The following PLCE1 variants were observed in gnomAD, a reference collection of about 807,000 sequenced individuals.
PLCE1 encodes the protein phospholipase C epsilon 1.
A neutral mutation model predicts 242.8 loss-of-function variants in PLCE1; 119 were observed. The ratio of observed to expected loss-of-function variants is 0.49; its 90% CI spans 0.42 to 0.57. The LOEUF (loss-of-function observed/expected upper bound fraction) is 0.57. PLCE1 is among the 20% of genes least tolerant of loss of function. The probability of loss-of-function intolerance (pLI) is 0.00; values close to 1 mark genes in which losing one functional copy is unlikely to be tolerated. For missense variants in PLCE1, 2,441 were observed against 2,788.8 expected (o/e 0.88, Z 2.81); for synonymous variants, 945 against 1,017.4 (o/e 0.93, Z 1.35).
chr10:94,156,674 C>A (rs2047443249), intron 3 of PLCE1, among the ~76,000 whole-genome samples: 1 of 152,152 alleles, frequency 6.6e-6, no homozygotes, highest in Non-Finnish European at 1.5e-5. Context: ...AGTCAGTCTT[C>A]AGTTCCTTTC....
intron 2 of PLCE1, among the ~76,000 whole-genome samples, chr10:94,131,167 TC>T (rs1321241867): frequency 6.6e-6 from 1 of 152,198 alleles, no homozygotes; most frequent in East Asian, 1.9e-4. Context: ...GCACCTTTAT[TC>T]CCCCATCAGA....
At chr10:94,101,558 AC>A (rs1170271068) in intron 2 of PLCE1, among the ~76,000 whole-genome samples, 2 of 151,826 alleles carry the variant, frequency 1.3e-5, no homozygotes, top group Admixed American at 6.6e-5. Flanking sequence ...AGAGGAGAAA[AC>A]CCCCCTGAGA....
chr10:94,072,374 T>G (rs1490595015), intron 2 of PLCE1, among the ~76,000 whole-genome samples: 1 of 152,082 alleles, frequency 6.6e-6, no homozygotes, highest in African/African-American at 2.4e-5. Flanking sequence ...CCTCCCAGGT[T>G]CACGCCATTC....
intron 3 of PLCE1, 38 bp from the exon 4 acceptor site, chr10:94,171,142 G>A (rs2047961235): frequency 1.3e-6 from 2 of 1,565,554 alleles, no homozygotes; most frequent in Non-Finnish European, 1.8e-6. Context: ...GGGGACACCA[G>A]ATTTGATGTA....
In PLCE1 at chr10:94,030,857, A is replaced by G. The variant is rs2061543616; in HGVS notation, c.-190A>G. ...GATCTAGAAAAAATATATATTCATG[A>G]TAGGAAGTTATAACTAAGAAAATTT... On this transcript the variant is annotated 5_prime_UTR_variant, in exon 2 of 33. Transcript: ENST00000371380. 1 of 617,648 alleles carries G rather than the reference A, an allele frequency of 1.6e-6. No homozygotes were observed. Among genetic ancestry groups the G allele is most frequent in the Non-Finnish European group, 2.8e-6 (1 of 351,188 alleles). The allele number at this position is 617,648 out of a possible 1,614,324, so 38.3% of individuals were successfully genotyped here.
intron 2 of PLCE1, among the ~76,000 whole-genome samples, chr10:94,048,618 T>C (rs993239444): frequency 1.7e-4 from 25 of 150,308 alleles, no homozygotes; most frequent in Admixed American, 1.5e-3. Context: ...TTGCTTGTGC[T>C]TCTTTATTGA....
intron 2 of PLCE1, among the ~76,000 whole-genome samples, chr10:94,069,164 A>G (rs1161730100): frequency 2.0e-5 from 3 of 152,248 alleles, no homozygotes; most frequent in Non-Finnish European, 2.9e-5. Flanking sequence ...ACTACAATAC[A>G]TCTTTTTGCC....
At chr10:94,276,357 C>G (rs1173717878) in intron 19 of PLCE1, among the ~76,000 whole-genome samples, 1 of 152,190 alleles carries the variant, frequency 6.6e-6, no homozygotes, top group South Asian at 2.1e-4. Flanking sequence ...TAGTCTCAGA[C>G]TTGGGTCTTT....
chr10:94,274,345 A>C (rs1454311510), intron 19 of PLCE1, among the ~76,000 whole-genome samples: 1 of 152,210 alleles, frequency 6.6e-6, no homozygotes, highest in East Asian at 1.9e-4. Flanking sequence ...TGTTGGTCCT[A>C]AAACATCACT....
intron 19 of PLCE1, among the ~76,000 whole-genome samples, chr10:94,275,374 A>G (rs768909455): frequency 1.3e-5 from 2 of 152,224 alleles, no homozygotes; most frequent in Non-Finnish European, 2.9e-5. Context: ...AATATCGTAG[A>G]TATTCTTAAA....
chr10:94,221,255 T>TCTGATGTCAGTGCTC (rs1359629372), intron 4 of PLCE1, among the ~76,000 whole-genome samples: 1 of 152,206 alleles, frequency 6.6e-6, no homozygotes, highest in East Asian at 1.9e-4. Flanking sequence ...CCCCAGTGCT[T>TCTGATGTCAGTGCTC]CTGATGTCAG....
At chr10:94,259,189 C>T (rs1324934581) in intron 13 of PLCE1, 39 bp downstream of exon 13, 1 of 1,606,648 alleles carries the variant, frequency 6.2e-7, no homozygotes, top group Admixed American at 1.7e-5. Context: ...TGGGATCAAT[C>T]TGTCTAAAAC....
chr10:94,081,121 G>A (rs1425429730), intron 2 of PLCE1, among the ~76,000 whole-genome samples: 1 of 152,056 alleles, frequency 6.6e-6, no homozygotes, highest in Non-Finnish European at 1.5e-5. Flanking sequence ...CATTTTTAAT[G>A]TTTATTGGCT....
rs945551499 is a variant in PLCE1, at chr10:94,306,853, A to G, written c.5884+165A>G. 6.6e-6 allele frequency among the ~76,000 whole-genome samples: 1 copy of G among 152,246 alleles called. No individual in the cohort carries two copies. On this transcript the variant is annotated intron_variant, in intron 26 of 32. Coordinates refer to ENST00000371380, the MANE Select transcript of PLCE1 (RefSeq NM_016341.4). This position sits in a 1 kb window ranked among gnomAD's most constrained non-coding sequence, Gnocchi z 5.7. ...GGAGCACTTTTGAAGCACATCTCAA[A>G]AGAAGTTTTTCTTTTACATTTTTTA...
At chr10:94,243,205 C>T (rs772289935) in intron 7 of PLCE1, among the ~76,000 whole-genome samples, 32 of 152,130 alleles carry the variant, frequency 2.1e-4, no homozygotes, top group East Asian at 1.9e-4. Context: ...AAGAATGATA[C>T]TTTACCTCTA....
chr10:94,265,952 C>T lies in PLCE1; in HGVS notation c.4275C>T (p.Tyr1425=). The change falls in exon 16 of 33, where the codon TAC becomes TAT. Residue 1425 remains tyrosine (Y), a synonymous_variant. Coordinates refer to ENST00000371380, the MANE Select transcript of PLCE1 (RefSeq NM_016341.4). ...AAGGAGAATCCTCGGTAGAACTCTA[C>T]AGCCAGGTACAGGGAATGCCACTTG... ...QLKGESSVEL[Y]SQVLLQGCRS... 1.2e-6 allele frequency: 2 copies of T among 1,613,930 alleles called. No homozygotes were observed. The highest frequency in any genetic ancestry group is 1.7e-6 in the Non-Finnish European group (2 of 1,179,834).
chr10:94,156,671 C>T lies in PLCE1; in HGVS notation c.1493-14509C>T, dbSNP rs532136899. On this transcript the variant is annotated intron_variant, in intron 3 of 32. Transcript: ENST00000371380. ...CCTCAGCATGATTAATTTAGTCAGTCTTCAGTTCCTTTCCCCTCCCTAGAG... is the reference window on the plus strand; with the variant it reads ...CCTCAGCATGATTAATTTAGTCAGTTTTCAGTTCCTTTCCCCTCCCTAGAG... 2.0e-5 allele frequency among the ~76,000 whole-genome samples: 3 copies of T among 152,236 alleles called. No individual in the cohort carries two copies. The East Asian group carries it at 5.8e-4, about 29-fold the overall frequency.
intron 5 of PLCE1, among the ~76,000 whole-genome samples, chr10:94,231,066 T>G (rs141209430): frequency 1.5e-4 from 23 of 152,350 alleles, no homozygotes; most frequent in African/African-American, 5.1e-4. Flanking sequence ...AATGTCTGTG[T>G]GTGGTAGAAT....
intron 22 of PLCE1, chr10:94,286,880 G>C (rs1297430447): frequency 2.6e-5 from 4 of 152,204 alleles, no homozygotes; most frequent in African/African-American, 9.7e-5. Flanking sequence ...CTTCATTGCA[G>C]GAACAAGGAT....
Sources: allele counts gnomAD v4.1 joint callset (sites outside exome capture counted in the v4.1 genomes callset), GRCh38; gene constraint gnomAD v4.1.1; non-coding constraint Gnocchi (gnomAD v3.1); transcripts MANE v1.5; gene names NCBI Gene and HGNC (gene_info 2026-07-23, HGNC 2026-07-21).